Variants in GRID2 observed in about 807,000 individuals in gnomAD.
GRID2 encodes the protein glutamate ionotropic receptor delta type subunit 2.
Under a neutral mutation model 114.8 loss-of-function variants are expected in GRID2, and 33 were observed. That is an observed-to-expected ratio of 0.29 (90% CI 0.22 to 0.38). GRID2 has a LOEUF of 0.38. Among genes scored for constraint, GRID2 ranks in the 10% least tolerant of loss-of-function variants. The probability of loss-of-function intolerance (pLI) is 1.00; values close to 1 mark genes in which losing one functional copy is unlikely to be tolerated. For synonymous variants in GRID2, 505 were observed against 449.9 expected, an observed-to-expected ratio of 1.12 and a Z score of -1.55; for missense variants, 1,184 against 1,257.7, an observed-to-expected ratio of 0.94 and a Z score of 0.89.
At chr4:92,317,408 A>C (rs1726050363) in intron 1 of GRID2, among the ~76,000 whole-genome samples, 1 of 152,220 alleles carries the variant, frequency 6.6e-6, no homozygotes, top group Admixed American at 6.5e-5. Context: ...AACAGGGAAA[A>C]CATTGAAAAC....
At chr4:92,883,993 C>G (rs2149461002) in intron 2 of GRID2, among the ~76,000 whole-genome samples, 1 of 152,286 alleles carries the variant, frequency 6.6e-6, no homozygotes, top group South Asian at 2.1e-4. Flanking sequence ...CAGGCATTGA[C>G]TTCTCCTCTT....
At chr4:92,383,340 C>A (rs1243135383) in intron 1 of GRID2, among the ~76,000 whole-genome samples, 2 of 151,998 alleles carry the variant, frequency 1.3e-5, no homozygotes, top group Non-Finnish European at 2.9e-5. Context: ...AATTAAAATT[C>A]TTAGTTTCTA....
intron 4 of GRID2, among the ~76,000 whole-genome samples, chr4:93,116,272 A>G (rs1733244707): frequency 6.6e-6 from 1 of 152,104 alleles, no homozygotes; most frequent in Non-Finnish European, 1.5e-5. Context: ...TGTCCCACAG[A>G]TTTACTTTTA....
chr4:92,780,746 G>T (rs958672255), intron 2 of GRID2, among the ~76,000 whole-genome samples: 1 of 151,964 alleles, frequency 6.6e-6, no homozygotes, highest in South Asian at 2.1e-4. Flanking sequence ...TATTCTGTGT[G>T]TATTTCTCTT....
chr4:93,341,164 T>A (rs990038611), intron 8 of GRID2, among the ~76,000 whole-genome samples: 3 of 152,206 alleles, frequency 2.0e-5, no homozygotes, highest in African/African-American at 7.2e-5. Context: ...GCATAACATA[T>A]ATAATTTAAA....
At chr4:92,634,751 T>C (rs1730980831) in intron 2 of GRID2, among the ~76,000 whole-genome samples, 2 of 150,692 alleles carry the variant, frequency 1.3e-5, no homozygotes, top group South Asian at 4.2e-4. Context: ...TTTTTTCTTT[T>C]TTTTTTTTTT....
At chr4:92,578,257 A>T (rs1396719649) in intron 1 of GRID2, among the ~76,000 whole-genome samples, 8 of 122,412 alleles carry the variant, frequency 6.5e-5, no homozygotes, top group Admixed American at 5.6e-4. Flanking sequence ...TCCTAATGCT[A>T]TCCCTCCCCC....
chr4:93,326,652 C>T lies in GRID2; in HGVS notation c.1246-68955C>T, dbSNP rs191433701. ...AGATAGGGAGACAGGCATGTGTACC[C>T]GCCACTTTATCTATTGTTTGTATTA... is the stretch of plus-strand genomic sequence containing the variant. On this transcript the variant is annotated intron_variant, in intron 8 of 15. Coordinates refer to ENST00000282020, the MANE Select transcript of GRID2 (RefSeq NM_001510.4). Among the ~76,000 whole-genome samples the T allele has an allele frequency of 7.9e-5, 12 of 152,016 alleles. No individual in the cohort carries two copies. In the East Asian group the frequency reaches 1.4e-3, roughly 17 times the overall value.
At chr4:93,498,082 A>G (rs1450608362) in intron 12 of GRID2, among the ~76,000 whole-genome samples, 2 of 151,852 alleles carry the variant, frequency 1.3e-5, no homozygotes, top group African/African-American at 4.8e-5. Flanking sequence ...AGTGATTACA[A>G]ACGTTCTTGG....
At chr4:93,485,769 A>G (rs930251360) in intron 11 of GRID2, among the ~76,000 whole-genome samples, 2 of 151,740 alleles carry the variant, frequency 1.3e-5, no homozygotes, top group African/African-American at 2.4e-5. Flanking sequence ...ATATTAATCT[A>G]TAGTCATCAA....
At chr4:92,786,441 T>G (rs900637075) in intron 2 of GRID2, among the ~76,000 whole-genome samples, 1 of 151,836 alleles carries the variant, frequency 6.6e-6, no homozygotes, top group Non-Finnish European at 1.5e-5. Flanking sequence ...TTTTTTAAAC[T>G]CTATATTTTA....
chr4:93,207,606 A>G (rs145190406), intron 5 of GRID2, 149 bp downstream of exon 5: 2 of 586,494 alleles, frequency 3.4e-6, no homozygotes, highest in Admixed American at 6.8e-5. Context: ...ACAAAGATAG[A>G]ATGAAGAGTT....
At chr4:93,382,570 C>A (rs1050421563) in intron 8 of GRID2, among the ~76,000 whole-genome samples, 2 of 151,904 alleles carry the variant, frequency 1.3e-5, no homozygotes, top group East Asian at 3.9e-4. Flanking sequence ...TACAAAATTT[C>A]TTTCTACTTT....
At chr4:93,093,904 T>G (rs956451604) in intron 3 of GRID2, among the ~76,000 whole-genome samples, 15 of 152,066 alleles carry the variant, frequency 9.9e-5, no homozygotes, top group Admixed American at 4.6e-4. Flanking sequence ...CAAGGCACTT[T>G]CTGTTTCAAG....
chr4:93,526,765 C>A (rs555650350), intron 13 of GRID2, among the ~76,000 whole-genome samples: 2 of 152,108 alleles, frequency 1.3e-5, no homozygotes, highest in Non-Finnish European at 2.9e-5. Flanking sequence ...GCTGAGATTG[C>A]GCCATTGCAC....
chr4:93,106,940 T>G (rs2149346887), intron 3 of GRID2, among the ~76,000 whole-genome samples: 1 of 152,300 alleles, frequency 6.6e-6, no homozygotes, highest in Admixed American at 6.5e-5. Flanking sequence ...TACACTAGAT[T>G]TTGTATATAC....
chr4:92,623,545 A>G (rs973965477), intron 2 of GRID2, among the ~76,000 whole-genome samples: 9 of 151,816 alleles, frequency 5.9e-5, no homozygotes, highest in Non-Finnish European at 1.3e-4. Flanking sequence ...CATGTGTGCA[A>G]TAAGAATTTG....
At chr4:92,374,767 T>G (rs551428437) in intron 1 of GRID2, among the ~76,000 whole-genome samples, 1 of 152,292 alleles carries the variant, frequency 6.6e-6, no homozygotes, top group African/African-American at 2.4e-5. Flanking sequence ...AGCACATTTT[T>G]AATAGGAATT....
Position 93,772,198 on chromosome 4 carries a change from C to T in GRID2, c.2724C>T (p.Asp908=). ...SSIDLTPLDI[D]TLPTRQALEQ... ...TTGATTTGACCCCTCTGGACATTGACACTTTGCCAACACGACAAGCACTGG... is the reference window on the plus strand; with the variant it reads ...TTGATTTGACCCCTCTGGACATTGATACTTTGCCAACACGACAAGCACTGG... Residue 908 remains aspartate (D), a synonymous_variant, in exon 16 of 16, where the codon GAC becomes GAT. Transcript: ENST00000282020. 6.2e-7 allele frequency: 1 copy of T among 1,614,032 alleles called. No individual in the cohort carries two copies. Among genetic ancestry groups the T allele is most frequent in the Non-Finnish European group, 8.5e-7 (1 of 1,179,948 alleles).
Sources: gnomAD v4.1 joint callset for allele counts (sites outside exome capture counted in the v4.1 genomes callset) on GRCh38, gnomAD v4.1.1 for gene constraint, MANE v1.5 for transcripts, NCBI Gene and HGNC (gene_info 2026-07-23, HGNC 2026-07-21) for gene names.